Variants in SLC35D4 observed in about 807,000 individuals in gnomAD.
SLC35D4 encodes solute carrier family 35 member D4, also known as UDP-N-acetylglucosamine transporter SLC35D4.
chr18:23,300,559 C>T, the SLC35D4 span, among the ~76,000 whole-genome samples: 1 of 152,170 alleles, frequency 6.6e-6, no homozygotes, highest in South Asian at 2.1e-4. Flanking sequence ...AACACCAAAG[C>T]AGCTTAGTAA....
the SLC35D4 span, among the ~76,000 whole-genome samples, chr18:23,338,074 T>C: frequency 1.7e-4 from 26 of 152,236 alleles, no homozygotes; most frequent in Non-Finnish European, 2.6e-4. Flanking sequence ...TAATTAAGGC[T>C]AGTGAGTGAT....
the SLC35D4 span, among the ~76,000 whole-genome samples, chr18:23,282,964 C>T: frequency 3.9e-5 from 6 of 151,918 alleles, no homozygotes; most frequent in African/African-American, 9.7e-5. Flanking sequence ...AGGGGACCCC[C>T]GAGAAACCTG....
At chr18:23,372,097 G>A in the SLC35D4 span, among the ~76,000 whole-genome samples, 3 of 147,838 alleles carry the variant, frequency 2.0e-5, no homozygotes, top group Non-Finnish European at 3.0e-5. Flanking sequence ...CACTACGCCC[G>A]GCTAATTTTT....
At chr18:23,363,256 A>G in the SLC35D4 span, among the ~76,000 whole-genome samples, 3 of 147,010 alleles carry the variant, frequency 2.0e-5, no homozygotes, top group Non-Finnish European at 3.0e-5. Context: ...CTGTCTCAAA[A>G]AAAAAAAAAA....
At chr18:23,385,143 T>A in the SLC35D4 span, 1 of 1,439,126 alleles carries the variant, frequency 6.9e-7, no homozygotes, top group Non-Finnish European at 9.5e-7. Context: ...ATTTTTTGCT[T>A]AAAAATAAAG....
chr18:23,384,515 C>T, the SLC35D4 span, among the ~76,000 whole-genome samples: 6 of 152,316 alleles, frequency 3.9e-5, no homozygotes, highest in African/African-American at 1.4e-4. Flanking sequence ...CTTGAACAAG[C>T]TGGTGTCATT....
the SLC35D4 span, among the ~76,000 whole-genome samples, chr18:23,270,450 C>A: frequency 1.3e-5 from 2 of 152,188 alleles, no homozygotes; most frequent in Non-Finnish European, 2.9e-5. Flanking sequence ...GGTTGGAGCC[C>A]CCACACAGAG....
the SLC35D4 span, chr18:23,399,729 T>G: frequency 1.6e-6 from 2 of 1,285,580 alleles, no homozygotes; most frequent in Non-Finnish European, 2.2e-6. Context: ...ACCCTCCAGA[T>G]GCATCAACTA....
the SLC35D4 span, among the ~76,000 whole-genome samples, chr18:23,392,745 C>T: frequency 5.2e-4 from 79 of 152,234 alleles, no homozygotes; most frequent in South Asian, 2.5e-3. Flanking sequence ...CAGGGAATGG[C>T]TGTTTTCTTC....
chr18:23,269,849 A>C, the SLC35D4 span, among the ~76,000 whole-genome samples: 1 of 152,194 alleles, frequency 6.6e-6, no homozygotes, highest in African/African-American at 2.4e-5. Flanking sequence ...GAGATGATTT[A>C]GGGTATCTGG....
At chr18:23,327,789 A>G in the SLC35D4 span, among the ~76,000 whole-genome samples, 4 of 152,198 alleles carry the variant, frequency 2.6e-5, no homozygotes, top group African/African-American at 9.6e-5. Context: ...GATGAACATC[A>G]ATGCAAAAAT....
the SLC35D4 span, among the ~76,000 whole-genome samples, chr18:23,426,423 T>C: frequency 6.6e-6 from 1 of 152,044 alleles, no homozygotes; most frequent in Non-Finnish European, 1.5e-5. Context: ...CACAATTGCT[T>C]CAAAGAGAAT....
chr18:23,377,665 A>T, the SLC35D4 span: 5 of 1,576,384 alleles, frequency 3.2e-6, no homozygotes, highest in Admixed American at 7.8e-5. Flanking sequence ...TTTGCAGGAG[A>T]TGTTTTCTGC....
At chr18:23,252,958 A>G in the SLC35D4 span, 1 of 1,599,794 alleles carries the variant, frequency 6.3e-7, no homozygotes, top group Non-Finnish European at 8.6e-7. Context: ...TGTCTGTTAC[A>G]GACAACAGTG....
the SLC35D4 span, among the ~76,000 whole-genome samples, chr18:23,349,438 T>C: frequency 6.6e-6 from 1 of 152,212 alleles, no homozygotes; most frequent in Non-Finnish European, 1.5e-5. Flanking sequence ...GAGAACATCC[T>C]GGCTAACATG....
At chr18:23,411,529 G>GAAAGAA in the SLC35D4 span, among the ~76,000 whole-genome samples, 3 of 151,392 alleles carry the variant, frequency 2.0e-5, no homozygotes, top group African/African-American at 7.3e-5. Context: ...AAGAAAGAAA[G>GAAAGAA]AAAGAAAGAA....
chr18:23,437,375 C>CTA, the SLC35D4 span, among the ~76,000 whole-genome samples: 1 of 152,138 alleles, frequency 6.6e-6, no homozygotes, highest in Admixed American at 6.5e-5. Flanking sequence ...TTAAAGGCTT[C>CTA]TGGAACTTCA....
the SLC35D4 span, among the ~76,000 whole-genome samples, chr18:23,328,071 T>C: frequency 6.6e-6 from 1 of 152,208 alleles, no homozygotes; most frequent in Non-Finnish European, 1.5e-5. Context: ...GTAAGAGCTA[T>C]TTATGACAAA....
chr18:23,320,436 CCAGT>C, the SLC35D4 span, among the ~76,000 whole-genome samples: 8 of 152,132 alleles, frequency 5.3e-5, no homozygotes, highest in Non-Finnish European at 8.8e-5. Flanking sequence ...AACATATTAT[CCAGT>C]CATTTTTAAG....
Sources: gnomAD v4.1 joint callset for allele counts (sites outside exome capture counted in the v4.1 genomes callset) on GRCh38, gnomAD v4.1.1 for gene constraint, MANE v1.5 for transcripts, NCBI Gene and HGNC (gene_info 2026-07-23, HGNC 2026-07-21) for gene names.